The following ZBTB11 variants were observed in gnomAD, a reference collection of about 807,000 sequenced individuals.
The protein encoded by ZBTB11 is zinc finger and BTB domain-containing protein 11.
Under a neutral mutation model 113.1 loss-of-function variants are expected in ZBTB11, and 68 were observed. The observed-to-expected ratio is 0.60, with a 90% CI of 0.49 to 0.74. The LOEUF (loss-of-function observed/expected upper bound fraction) is 0.74, where lower values mean the gene tolerates loss of function less well. Ranked by LOEUF, ZBTB11 falls within the 30% of genes least tolerant of loss-of-function variation. The pLI is 0.00. For synonymous variants in ZBTB11, 518 were observed against 452.6 expected, an observed-to-expected ratio of 1.14 and a Z score of -1.83; for missense variants, 1,104 against 1,279.4, an observed-to-expected ratio of 0.86 and a Z score of 2.09.
chr3:101,653,281 A>G lies in ZBTB11; in HGVS notation c.2310-343T>C, dbSNP rs542675470. On this transcript the variant is annotated intron_variant, in intron 8 of 10. Coordinates refer to ENST00000312938, the MANE Select transcript of ZBTB11 (RefSeq NM_014415.4). ...GTAGACTTTACCTTTGACCCTAGGG[A>G]TAGAGCAAATGACTTGGGCCTAAAT... Among the ~76,000 whole-genome samples the G allele has an allele frequency of 1.5e-4, 23 of 152,290 alleles. 1 individual carries two copies. Among genetic ancestry groups the G allele is most frequent in the African/African-American group, 5.3e-4 (22 of 41,556 alleles).
rs1287612967 is a variant in ZBTB11 at position 101,677,102 on chromosome 3, C to T, written c.-188G>A. The T allele has an allele frequency of 1.6e-6, 1 of 618,640 alleles. No homozygotes were observed. Among genetic ancestry groups the T allele is most frequent in the South Asian group, 2.4e-5 (1 of 41,778 alleles). The allele number at this position is 618,640 out of a possible 1,614,324, so 38.3% of individuals were successfully genotyped here. On this transcript the variant is annotated 5_prime_UTR_variant, in exon 1 of 11. It adds an upstream start codon to the 5' untranslated region. Coordinates refer to ENST00000312938, the MANE Select transcript of ZBTB11 (RefSeq NM_014415.4). ...GAGTTGGTAACCAGGGGGAACTGCA[C>T]TTCTCCAGCGCGCGGGATCCGCTGG...
At chr3:101,668,324 T>C (rs2108325573) in intron 3 of ZBTB11, among the ~76,000 whole-genome samples, 1 of 152,198 alleles carries the variant, frequency 6.6e-6, no homozygotes, top group South Asian at 2.1e-4. Context: ...TAACAACAGT[T>C]TATGGTATAT....
chr3:101,670,990 C>T, intron 3 of ZBTB11, 140 bp downstream of exon 3: 1 of 648,412 alleles, frequency 1.5e-6, no homozygotes, highest in South Asian at 2.3e-5. Flanking sequence ...CTAAAAAGAA[C>T]CTTTTCAGTA....
intron 7 of ZBTB11, 142 bp from the exon 8 acceptor site, chr3:101,654,963 C>A: frequency 1.7e-6 from 1 of 591,158 alleles, no homozygotes; most frequent in Non-Finnish European, 3.0e-6. Flanking sequence ...TCGCAAACTC[C>A]ACCTCCCAGG....
intron 1 of ZBTB11, chr3:101,676,379 T>C: frequency 2.3e-6 from 1 of 433,114 alleles, no homozygotes; most frequent in East Asian, 3.7e-5. Flanking sequence ...GAAGCCCCCT[T>C]GGTCCCACCC....
chr3:101,676,298 G>A (rs1327472471), intron 1 of ZBTB11, among the ~76,000 whole-genome samples: 2 of 152,216 alleles, frequency 1.3e-5, no homozygotes, highest in Non-Finnish European at 2.9e-5. Flanking sequence ...GCCTCAAGGG[G>A]CCGCCCAAGG....
rs760517550 is a variant in ZBTB11, at chr3:101,671,107, C to A, written c.778+23G>T. On this transcript the variant is annotated intron_variant, in intron 3 of 10. Transcript: ENST00000312938. ...CTAGAATGTCATTACAAACAAAAAG[C>A]AAGAGTAATACAAAACCCTTACCAG... 5 of 1,586,918 alleles carry A rather than the reference C, an allele frequency of 3.2e-6. No individual in the cohort carries two copies. In the African/African-American group the frequency reaches 6.8e-5, roughly 21 times the overall value.
At chr3:101,663,056 C>T (rs772924785) in intron 5 of ZBTB11, among the ~76,000 whole-genome samples, 8 of 151,958 alleles carry the variant, frequency 5.3e-5, no homozygotes, top group Non-Finnish European at 1.0e-4. Flanking sequence ...TGTCCTGCCT[C>T]AGTCTCCCGA....
intron 6 of ZBTB11, among the ~76,000 whole-genome samples, chr3:101,657,990 AC>A (rs1559983135): frequency 2.0e-5 from 3 of 152,064 alleles, no homozygotes; most frequent in Admixed American, 1.3e-4. Flanking sequence ...AATAAGAAAG[AC>A]CCTGTCTTTA....
chr3:101,659,962 CT>C lies in ZBTB11; in HGVS notation c.1866del (p.Asp623MetfsTer49). On this transcript the variant is annotated frameshift_variant, in exon 6 of 11. Coordinates refer to ENST00000312938, the MANE Select transcript of ZBTB11 (RefSeq NM_014415.4). LOFTEE classifies it high-confidence loss of function. ...TTGGACGAGGATGAAGAGGGTGCAT[CT>C]TTTCTGGTATGACGAATAAGATGTG... is the stretch of plus-strand genomic sequence containing the variant. ...LRAHLIRHTR[K>X]DAPSSSSSNS... is the part of the protein sequence containing the mutation. 6.2e-7 allele frequency: 1 copy of C among 1,614,168 alleles called. No individual in the cohort carries two copies. The highest frequency in any genetic ancestry group is 8.5e-7 in the Non-Finnish European group (1 of 1,180,030).
chr3:101,667,936 T>C (rs1003022211), intron 3 of ZBTB11, among the ~76,000 whole-genome samples: 17 of 152,192 alleles, frequency 1.1e-4, no homozygotes, highest in African/African-American at 3.9e-4. Flanking sequence ...CTACTCACAA[T>C]AGCCAAGAAA....
chr3:101,673,433 G>A (rs1937112779), intron 1 of ZBTB11, among the ~76,000 whole-genome samples: 1 of 152,128 alleles, frequency 6.6e-6, no homozygotes. Context: ...AAATGAAAAG[G>A]TTATGAGGTA....
chr3:101,653,968 A>G (rs756597782), intron 8 of ZBTB11, among the ~76,000 whole-genome samples: 3 of 151,994 alleles, frequency 2.0e-5, no homozygotes, highest in Non-Finnish European at 4.4e-5. Context: ...GCCTTAAGCG[A>G]TCCTCCCACC....
chr3:101,671,101 A>G (rs1470957584), intron 3 of ZBTB11, 29 bp downstream of exon 3: 1 of 1,581,820 alleles, frequency 6.3e-7, no homozygotes, highest in Non-Finnish European at 8.7e-7. Context: ...CATTACAAAC[A>G]AAAAGCAAGA....
Position 101,656,163 on chromosome 3 carries a change from A to C in ZBTB11, c.2132T>G (p.Leu711Arg), listed in dbSNP as rs1936794138. 6.2e-7 allele frequency: 1 copy of C among 1,600,410 alleles called. No homozygotes were observed. Among genetic ancestry groups the C allele is most frequent in the Admixed American group, 1.7e-5 (1 of 57,810 alleles). ...HQSQKQFQCELCVKSFVTKRS... is the reference protein window; with the variant it reads ...HQSQKQFQCERCVKSFVTKRS... ...TTTGGTAACAAATGACTTAACACAC[A>C]GTTCACACTGGAACTGCTTCTGTGA... The change falls in exon 7 of 11, where the codon CTG (leucine) becomes CGG (arginine). Residue 711 changes from leucine to arginine, a missense_variant. This residue lies in a region of ZBTB11 where 535 missense variants were observed against 518.6 expected (regional missense o/e 1.03). Transcript: ENST00000312938.
chr3:101,673,905 A>G (rs1415871426), intron 1 of ZBTB11, among the ~76,000 whole-genome samples: 1 of 152,230 alleles, frequency 6.6e-6, no homozygotes, highest in Non-Finnish European at 1.5e-5. Context: ...AAAAGTATAC[A>G]CTGAAGTCAT....
chr3:101,673,870 T>C (rs1445350628), intron 1 of ZBTB11, among the ~76,000 whole-genome samples: 2 of 152,166 alleles, frequency 1.3e-5, no homozygotes, highest in African/African-American at 2.4e-5. Flanking sequence ...ATTTTCCAAA[T>C]TGTATTATGT....
Position 101,651,348 on chromosome 3 carries a change from CCATA to C in ZBTB11, c.2976_2979del (p.Met993LysfsTer31). The C allele has an allele frequency of 6.2e-7, 1 of 1,614,034 alleles. No individual in the cohort carries two copies. The highest frequency in any genetic ancestry group is 8.5e-7 in the Non-Finnish European group (1 of 1,179,962). On this transcript the variant is annotated frameshift_variant, in exon 11 of 11. Transcript: ENST00000312938. LOFTEE classifies it high-confidence loss of function. Reference sequence around the variant, plus strand: ...GTAGCTGCAACAGCTTCCAGAGCTTCCATAGTTTCTCCTGTCACTACCACAGTCT... The same window carrying C: ...GTAGCTGCAACAGCTTCCAGAGCTTCGTTTCTCCTGTCACTACCACAGTCT...
Position 101,673,057 on chromosome 3 carries a change from G to A in ZBTB11, c.311-844C>T, listed in dbSNP as rs188958073. 2.7e-3 allele frequency among the ~76,000 whole-genome samples: 413 copies of A among 152,318 alleles called. 2 individuals carry two copies. Among genetic ancestry groups the A allele is most frequent in the Non-Finnish European group, 3.8e-3 (258 of 68,030 alleles). On this transcript the variant is annotated intron_variant, in intron 1 of 10. Transcript: ENST00000312938. Reference sequence around the variant, plus strand: ...TTGAAAGTTATGAGATTTTAGGGTTGTGTGAAATAAAAGCATACACAATCT... The same window carrying A: ...TTGAAAGTTATGAGATTTTAGGGTTATGTGAAATAAAAGCATACACAATCT...
Sources: gnomAD v4.1 joint callset for allele counts (sites outside exome capture counted in the v4.1 genomes callset) on GRCh38, gnomAD v4.1.1 for gene constraint, gnomAD v4.1.1 regional missense constraint, MANE v1.5 for transcripts, NCBI Gene and HGNC (gene_info 2026-07-23, HGNC 2026-07-21) for gene names.